The following CFAP77 variants were observed in gnomAD, a reference collection of about 807,000 sequenced individuals.
CFAP77 encodes cilia and flagella associated protein 77.
A neutral mutation model predicts 31.1 loss-of-function variants in CFAP77; 25 were observed. The observed-to-expected ratio is 0.80, with a 90% CI of 0.59 to 1.12. The LOEUF is 1.12. Among genes scored for constraint, CFAP77 ranks in the 50% most tolerant of loss-of-function variants. The pLI, the probability that CFAP77 is intolerant of heterozygous loss-of-function variation, is 0.00. For synonymous variants in CFAP77, 151 were observed against 159.9 expected (o/e 0.94, Z 0.42); for missense variants, 377 against 397.3 (o/e 0.95, Z 0.44).
At chr9:132,489,583 T>C (rs1355425794) in intron 1 of CFAP77, among the ~76,000 whole-genome samples, 2 of 152,238 alleles carry the variant, frequency 1.3e-5, no homozygotes, top group Admixed American at 6.5e-5. Context: ...CTGTGTGCCC[T>C]GCACGGAGGA....
intron 1 of CFAP77, among the ~76,000 whole-genome samples, chr9:132,446,881 G>A (rs1174452743): frequency 1.3e-5 from 2 of 151,878 alleles, no homozygotes; most frequent in Non-Finnish European, 2.9e-5. Context: ...ATAGGAATCA[G>A]TTTCCCATTT....
intron 5 of CFAP77, among the ~76,000 whole-genome samples, chr9:132,543,885 C>A (rs763458032): frequency 6.6e-6 from 1 of 152,118 alleles, no homozygotes; most frequent in East Asian, 1.9e-4. Context: ...CCGGGGGCAC[C>A]GTACGGAGAA....
chr9:132,497,136 T>C lies in CFAP77; in HGVS notation c.196-1559T>C, dbSNP rs751551991. 1.4e-5 allele frequency among the ~76,000 whole-genome samples: 2 copies of C among 146,392 alleles called. No homozygotes were observed. Among genetic ancestry groups the C allele is most frequent in the Admixed American group, 6.8e-5 (1 of 14,810 alleles). ...ATGAGGGGGAGTGGGTTTGTCTATC[T>C]CAACAGGGGGTGCTGTGGGGGAGCC... On this transcript the variant is annotated intron_variant, in intron 1 of 5. Coordinates refer to ENST00000393216, the MANE Select transcript of CFAP77 (RefSeq NM_001282957.2). This position sits in a 1 kb window ranked among gnomAD's most constrained non-coding sequence, Gnocchi z 4.9.
At chr9:132,561,688 T>G in intron 5 of CFAP77, among the ~76,000 whole-genome samples, 1 of 139,760 alleles carries the variant, frequency 7.2e-6, no homozygotes, top group African/African-American at 2.7e-5. Flanking sequence ...CTGGGATGGG[T>G]TCGCAAGCAA....
At chr9:132,519,027 T>C (rs1212974757) in intron 3 of CFAP77, among the ~76,000 whole-genome samples, 1 of 152,098 alleles carries the variant, frequency 6.6e-6, no homozygotes, top group African/African-American at 2.4e-5. Context: ...GTCCCAAGGA[T>C]TGAGGAGGCA....
In CFAP77 at chr9:132,543,054, G is replaced by T. The variant is rs1040447847; in HGVS notation, c.732+7G>T. ...CATGCCTCACTTCCAGAAGGTCAGT[G>T]TCACCTTCATCCACACCCCTCCCTG... is the stretch of plus-strand genomic sequence containing the variant. On this transcript the variant is annotated splice_region_variant and intron_variant, in intron 5 of 5. Coordinates refer to ENST00000393216, the MANE Select transcript of CFAP77 (RefSeq NM_001282957.2). The T allele has an allele frequency of 6.2e-7, 1 of 1,611,784 alleles. No individual in the cohort carries two copies. Among genetic ancestry groups the T allele is most frequent in the Non-Finnish European group, 8.5e-7 (1 of 1,178,022 alleles).
At chr9:132,570,604 T>TC (rs970566183) in intron 5 of CFAP77, among the ~76,000 whole-genome samples, 42 of 152,226 alleles carry the variant, frequency 2.8e-4, no homozygotes, top group African/African-American at 1.0e-3. Context: ...CATTTTTTTT[T>TC]CCCAGAGGAA....
chr9:132,444,553 A>T (rs1850672483), intron 1 of CFAP77, among the ~76,000 whole-genome samples: 1 of 152,146 alleles, frequency 6.6e-6, no homozygotes, highest in Non-Finnish European at 1.5e-5. Flanking sequence ...TTCAAGAGAG[A>T]TGGCCATGGC....
intron 3 of CFAP77, among the ~76,000 whole-genome samples, chr9:132,530,652 T>C (rs1223030704): frequency 6.6e-6 from 1 of 152,146 alleles, no homozygotes; most frequent in Non-Finnish European, 1.5e-5. Flanking sequence ...TTGAGAGTTT[T>C]TTATTCTAGA....
rs561061398 is a variant in CFAP77, at chr9:132,452,423, A to G, written c.195+41957A>G. Among the ~76,000 whole-genome samples the G allele has an allele frequency of 8.2e-4, 125 of 152,342 alleles. 1 individual carries two copies. In the Middle Eastern group the frequency reaches 0.01, roughly 12 times the overall value. ...TGCTTTGCAAAGAGCACCTGGGCTCAGCTCTGATTACCTTGGGTACTGCAG... is the reference window on the plus strand; with the variant it reads ...TGCTTTGCAAAGAGCACCTGGGCTCGGCTCTGATTACCTTGGGTACTGCAG... On this transcript the variant is annotated intron_variant, in intron 1 of 5. Coordinates refer to ENST00000393216, the MANE Select transcript of CFAP77 (RefSeq NM_001282957.2).
intron 1 of CFAP77, among the ~76,000 whole-genome samples, chr9:132,435,727 G>A (rs1850494783): frequency 6.6e-6 from 1 of 152,114 alleles, no homozygotes; most frequent in African/African-American, 2.4e-5. Context: ...CAATTAACAT[G>A]GTATCGAATG....
chr9:132,511,239 C>A lies in CFAP77; in HGVS notation c.524+11639C>A, dbSNP rs1055168347. On this transcript the variant is annotated intron_variant, in intron 3 of 5. Coordinates refer to ENST00000393216, the MANE Select transcript of CFAP77 (RefSeq NM_001282957.2). The surrounding 1 kb of genome is among the most constrained non-coding windows in gnomAD (Gnocchi z 5.8). Reference sequence around the variant, plus strand: ...CTGCTGAGACTTGACTCTGACTCCCCCAAGCTAAACCTCCTTCAGTCCCCT... The same window carrying A: ...CTGCTGAGACTTGACTCTGACTCCCACAAGCTAAACCTCCTTCAGTCCCCT... 2.6e-5 allele frequency among the ~76,000 whole-genome samples: 4 copies of A among 152,190 alleles called. No homozygotes were observed. The highest frequency in any genetic ancestry group is 9.7e-5 in the African/African-American group (4 of 41,450).
At chr9:132,557,200 G>A (rs950487858) in intron 5 of CFAP77, among the ~76,000 whole-genome samples, 1 of 152,196 alleles carries the variant, frequency 6.6e-6, no homozygotes, top group Non-Finnish European at 1.5e-5. Flanking sequence ...GAAACGGGAA[G>A]GGGTCTTTCC....
chr9:132,516,205 T>TA (rs1174305259), intron 3 of CFAP77, among the ~76,000 whole-genome samples: 5 of 152,156 alleles, frequency 3.3e-5, no homozygotes, highest in African/African-American at 9.7e-5. Flanking sequence ...TTCTGATTTT[T>TA]AAAAAAATAT....
chr9:132,442,272 T>C (rs1194026940), intron 1 of CFAP77, among the ~76,000 whole-genome samples: 1 of 152,166 alleles, frequency 6.6e-6, no homozygotes, highest in Non-Finnish European at 1.5e-5. Context: ...AAAAACAGGC[T>C]GGGCACAGTG....
chr9:132,516,922 C>T (rs543363777), intron 3 of CFAP77, among the ~76,000 whole-genome samples: 1 of 152,288 alleles, frequency 6.6e-6, no homozygotes, highest in East Asian at 1.9e-4. Flanking sequence ...CAGTAAACAG[C>T]CATGGAAGTC....
chr9:132,423,604 G>A (rs1413106336), intron 1 of CFAP77, among the ~76,000 whole-genome samples: 2 of 152,188 alleles, frequency 1.3e-5, no homozygotes, highest in African/African-American at 4.8e-5. Context: ...TTCCAACCAG[G>A]TCTGTCATCC....
At chr9:132,515,648 A>G (rs1468642327) in intron 3 of CFAP77, among the ~76,000 whole-genome samples, 3 of 151,930 alleles carry the variant, frequency 2.0e-5, no homozygotes, top group Admixed American at 6.5e-5. Context: ...GAAAGGAGGA[A>G]TTCCCTCTTC....
intron 5 of CFAP77, among the ~76,000 whole-genome samples, chr9:132,567,153 C>T (rs957717670): frequency 3.3e-5 from 5 of 152,164 alleles, no homozygotes; most frequent in Admixed American, 1.3e-4. Context: ...AGGTGACATG[C>T]GCTCTGCCTC....
Sources: allele counts gnomAD v4.1 joint callset (sites outside exome capture counted in the v4.1 genomes callset), GRCh38; gene constraint gnomAD v4.1.1; non-coding constraint Gnocchi (gnomAD v3.1); transcripts MANE v1.5; gene names NCBI Gene and HGNC (gene_info 2026-07-23, HGNC 2026-07-21).